FBXW12: variants seen among roughly 807,000 people sequenced by gnomAD.
The protein encoded by FBXW12 is F-box and WD repeat domain containing 12.
Under a neutral mutation model 55.3 loss-of-function variants are expected in FBXW12, and 43 were observed. The observed-to-expected ratio is 0.78, with a 90% CI of 0.61 to 1.00. The LOEUF (loss-of-function observed/expected upper bound fraction) is 1.00. Among genes scored for constraint, FBXW12 ranks in the 50% least tolerant of loss-of-function variants. FBXW12 has a pLI of 0.00. For missense variants in FBXW12, 524 were observed against 560.5 expected (o/e 0.93, Z 0.66); for synonymous variants, 184 against 203.8 (o/e 0.90, Z 0.83).
At chr3:48,379,814 G>T (rs2036740585) in intron 7 of FBXW12, 2 of 424,610 alleles carry the variant, frequency 4.7e-6, no homozygotes, top group East Asian at 9.2e-5. Context: ...GGGTGAGACA[G>T]GTATCAAGAA....
chr3:48,385,746 T>C (rs376587562), intron 10 of FBXW12, among the ~76,000 whole-genome samples: 25 of 152,198 alleles, frequency 1.6e-4, no homozygotes, highest in East Asian at 1.2e-3. Flanking sequence ...TGGTATCTCA[T>C]TGCATTTTTA....
At chr3:48,390,750 G>A (rs961615692) in intron 10 of FBXW12, among the ~76,000 whole-genome samples, 4 of 151,962 alleles carry the variant, frequency 2.6e-5, no homozygotes, top group African/African-American at 7.2e-5. Context: ...AGTTCTCCTT[G>A]TAGAGATCTT....
Position 48,379,519 on chromosome 3 carries a change from G to A in FBXW12, c.735G>A (p.Trp245Ter). The A allele has an allele frequency of 1.2e-6, 2 of 1,614,092 alleles. No homozygotes were observed. The highest frequency in any genetic ancestry group is 1.7e-6 in the Non-Finnish European group (2 of 1,179,954). Reference protein sequence around the residue: ...VLLHCSPDKKWVFACGTYSRT... With the variant: ...VLLHCSPDKK ...TACACTGCTCTCCTGACAAGAAATG[G>A]GTATTTGCATGTGGGACATACAGTC... The change falls in exon 7 of 11, where the codon TGG becomes TGA. Residue 245 changes from tryptophan to a stop codon, truncating the protein, a stop_gained. Transcript: ENST00000296438. LOFTEE classifies it high-confidence loss of function.
chr3:48,385,566 T>C (rs2036837912), intron 10 of FBXW12, among the ~76,000 whole-genome samples: 1 of 152,194 alleles, frequency 6.6e-6, no homozygotes, highest in Non-Finnish European at 1.5e-5. Context: ...TATCATATGA[T>C]AATCCTATTT....
chr3:48,391,447 T>A (rs557570501), intron 10 of FBXW12, among the ~76,000 whole-genome samples: 2 of 152,268 alleles, frequency 1.3e-5, no homozygotes, highest in East Asian at 3.9e-4. Context: ...TTTCTTTCTC[T>A]TGGCTGGCTG....
chr3:48,373,682 T>C lies in FBXW12; in HGVS notation c.263T>C (p.Ile88Thr). 2 of 1,614,142 alleles carry C rather than the reference T, an allele frequency of 1.2e-6. No individual in the cohort carries two copies. Among genetic ancestry groups the C allele is most frequent in the South Asian group, 1.1e-5 (1 of 91,082 alleles). Residue 88 changes from isoleucine (I) to threonine (T), a missense_variant, in exon 4 of 11, where the codon ATC becomes ACC. Transcript: ENST00000296438. ...RLALAQPHNF[I>T]YKVTKNIAFE... ...GCATTGGCACAGCCGCATAACTTTA[T>C]CTACAAAGTAACTAAGAACATCGGT...
At chr3:48,389,623 G>A (rs545834591) in intron 10 of FBXW12, among the ~76,000 whole-genome samples, 64 of 152,250 alleles carry the variant, frequency 4.2e-4, no homozygotes, top group African/African-American at 1.5e-3. Flanking sequence ...TGATCTGTCC[G>A]CCTCAGCCTC....
intron 4 of FBXW12, among the ~76,000 whole-genome samples, chr3:48,374,788 A>T (rs6779353): frequency 0.011 from 1,044 of 96,184 alleles, 8 homozygotes; most frequent in South Asian, 0.028. Context: ...TTTTTTTTTA[A>T]AAACAGAGTC....
At chr3:48,379,598 T>A in intron 7 of FBXW12, 40 bp downstream of exon 7, 1 of 1,591,632 alleles carries the variant, frequency 6.3e-7, no homozygotes. Flanking sequence ...AGGATAGGAA[T>A]GTCAAGTTAG....
intron 10 of FBXW12, among the ~76,000 whole-genome samples, chr3:48,383,569 G>T (rs2036807662): frequency 6.6e-6 from 1 of 152,112 alleles, no homozygotes; most frequent in Admixed American, 6.5e-5. Flanking sequence ...CTTTCAAAGA[G>T]CAAGGGTTAA....
At chr3:48,378,267 G>GT in intron 5 of FBXW12, 50 bp from the exon 6 acceptor site, 1 of 1,374,110 alleles carries the variant, frequency 7.3e-7, no homozygotes, top group South Asian at 1.2e-5. Context: ...TGAAAGCACA[G>GT]TAGGTGTAAG....
intron 10 of FBXW12, among the ~76,000 whole-genome samples, chr3:48,387,350 T>TGTTTTG (rs959359941): frequency 6.6e-6 from 1 of 152,114 alleles, no homozygotes; most frequent in Non-Finnish European, 1.5e-5. Context: ...TGTGTTTTTT[T>TGTTTTG]GTTTTGGTTT....
intron 10 of FBXW12, among the ~76,000 whole-genome samples, chr3:48,390,406 CTTTTTTTTTTTTT>C (rs71625870): frequency 1.7e-5 from 1 of 57,928 alleles, no homozygotes. Context: ...AGGATTTCCT[CTTTTTTTTTTTTT>C]TTTTTTTTTT....
chr3:48,375,340 A>T lies in FBXW12; in HGVS notation c.287-14A>T. ...TAACTATCTGGTGGCCAAGTCTTCT[A>T]TGTTTCCTTCTAGCATTTGAGACGG... On this transcript the variant is annotated splice_polypyrimidine_tract_variant and intron_variant, in intron 4 of 10. Coordinates refer to ENST00000296438, the MANE Select transcript of FBXW12 (RefSeq NM_207102.2). 1 of 1,500,834 alleles carries T rather than the reference A, an allele frequency of 6.7e-7. No homozygotes were observed. The highest frequency in any genetic ancestry group is 2.3e-5 in the East Asian group (1 of 44,274). 93.0% of individuals were successfully genotyped at this position (1,500,834 alleles called of 1,614,324 possible).
chr3:48,373,163 C>G (rs1193222343), intron 2 of FBXW12, 145 bp from the exon 3 acceptor site: 65 of 1,212,584 alleles, frequency 5.4e-5, no homozygotes, highest in Non-Finnish European at 7.3e-5. Context: ...TTCCTTATCT[C>G]CCCACACTGA....
intron 4 of FBXW12, among the ~76,000 whole-genome samples, chr3:48,374,037 G>A (rs566763718): frequency 1.3e-4 from 20 of 152,212 alleles, no homozygotes; most frequent in Non-Finnish European, 2.6e-4. Flanking sequence ...ACAGAGGCTT[G>A]GCTGGGCACA....
intron 3 of FBXW12, 41 bp downstream of exon 3, chr3:48,373,386 A>T: frequency 6.2e-7 from 1 of 1,613,936 alleles, no homozygotes; most frequent in Non-Finnish European, 8.5e-7. Context: ...GGGAGAGGAG[A>T]TCATCTGACT....
intron 8 of FBXW12, among the ~76,000 whole-genome samples, chr3:48,381,397 C>A (rs1027752141): frequency 6.6e-6 from 1 of 152,182 alleles, no homozygotes; most frequent in Non-Finnish European, 1.5e-5. Flanking sequence ...TCTCTACCCC[C>A]ACCCTGCTCT....
chr3:48,378,680 T>C (rs1334163727), intron 6 of FBXW12, among the ~76,000 whole-genome samples, 154 bp downstream of exon 6: 1 of 146,772 alleles, frequency 6.8e-6, no homozygotes, highest in Non-Finnish European at 1.5e-5. Context: ...AGTGGTGCAA[T>C]CTTGGCTCAC....
Sources: allele counts gnomAD v4.1 joint callset (sites outside exome capture counted in the v4.1 genomes callset), GRCh38; gene constraint gnomAD v4.1.1; transcripts MANE v1.5; gene names NCBI Gene and HGNC (gene_info 2026-07-23, HGNC 2026-07-21).